GABRB2: variants seen among roughly 807,000 people sequenced by gnomAD.
GABRB2 encodes gamma-aminobutyric acid receptor subunit beta-2.
GABRB2 carries 16 observed loss-of-function variants against 54.7 expected under a neutral mutation model. The ratio of observed to expected loss-of-function variants is 0.29; its 90% CI spans 0.20 to 0.44. The LOEUF (loss-of-function observed/expected upper bound fraction) is 0.44, where lower values mean the gene tolerates loss of function less well. Ranked by LOEUF, GABRB2 falls within the 20% of genes least tolerant of loss-of-function variation. The pLI is 1.00. For synonymous variants in GABRB2, 244 were observed against 233.8 expected (o/e 1.04, Z -0.40); for missense variants, 355 against 644.0 (o/e 0.55, Z 4.86).
chr5:161,431,529 T>A (rs1472355995), intron 4 of GABRB2, among the ~76,000 whole-genome samples: 2 of 152,208 alleles, frequency 1.3e-5, no homozygotes, highest in South Asian at 2.1e-4. Flanking sequence ...CTGGCAAGAA[T>A]GCTCTGCCAA....
intron 5 of GABRB2, among the ~76,000 whole-genome samples, chr5:161,345,096 G>T (rs1580901868): frequency 6.6e-6 from 1 of 152,000 alleles, no homozygotes; most frequent in East Asian, 1.9e-4. Flanking sequence ...TGATGTTGAT[G>T]ACCGGTTGAT....
intron 4 of GABRB2, among the ~76,000 whole-genome samples, chr5:161,426,138 G>A (rs1756991762): frequency 6.6e-6 from 1 of 152,104 alleles, no homozygotes; most frequent in African/African-American, 2.4e-5. Context: ...CCGAGGGCAA[G>A]AATGGGATTA....
chr5:161,384,640 A>C (rs1755569147), intron 5 of GABRB2, among the ~76,000 whole-genome samples: 1 of 152,196 alleles, frequency 6.6e-6, no homozygotes, highest in Admixed American at 6.6e-5. Context: ...CCAGAAATGC[A>C]AATTTGGCTC....
At chr5:161,426,386 G>A (rs985121025) in intron 4 of GABRB2, among the ~76,000 whole-genome samples, 2 of 152,052 alleles carry the variant, frequency 1.3e-5, no homozygotes, top group African/African-American at 2.4e-5. Context: ...AGGGTCGACT[G>A]GGGGAGGGTG....
intron 9 of GABRB2, among the ~76,000 whole-genome samples, chr5:161,295,488 A>G (rs1757357539): frequency 6.6e-6 from 1 of 152,226 alleles, no homozygotes; most frequent in Non-Finnish European, 1.5e-5. Context: ...GTAGATAATC[A>G]AGATATACCA....
intron 4 of GABRB2, among the ~76,000 whole-genome samples, chr5:161,427,797 G>T (rs759865088): frequency 6.6e-6 from 1 of 152,140 alleles, no homozygotes; most frequent in African/African-American, 2.4e-5. Context: ...AAATGGTTTA[G>T]GAGTATTCTC....
intron 3 of GABRB2, among the ~76,000 whole-genome samples, chr5:161,523,202 A>G (rs557813828): frequency 6.6e-6 from 1 of 151,666 alleles, no homozygotes; most frequent in East Asian, 1.9e-4. Context: ...GTCTTTAACT[A>G]CTATGAACTG....
At chr5:161,539,444 C>T (rs1760744812) in intron 3 of GABRB2, among the ~76,000 whole-genome samples, 1 of 152,148 alleles carries the variant, frequency 6.6e-6, no homozygotes, top group South Asian at 2.1e-4. Context: ...CTGCATTTTC[C>T]TCATGATTTT....
Position 161,546,433 on chromosome 5 carries a change from TAAGCAGGCATCAATAAGG to T in GABRB2, c.78-38_78-21del. On this transcript the variant is annotated intron_variant, in intron 1 of 9. Transcript: ENST00000393959. ...TTGACACTAAAGAAAGAAATGACAA[TAAGCAGGCATCAATAAGG>T]AAGCAGGCATAGCGTTTTCAGCATC... is the stretch of plus-strand genomic sequence containing the variant. 1 of 1,607,000 alleles carries T rather than the reference TAAGCAGGCATCAATAAGG, an allele frequency of 6.2e-7. No homozygotes were observed. Among genetic ancestry groups the T allele is most frequent in the Non-Finnish European group, 8.5e-7 (1 of 1,173,562 alleles).
intron 5 of GABRB2, among the ~76,000 whole-genome samples, chr5:161,371,949 T>C (rs939512304): frequency 6.6e-6 from 1 of 152,042 alleles, no homozygotes; most frequent in African/African-American, 2.4e-5. Flanking sequence ...AGACTGATCT[T>C]GAACTCCTGG....
At chr5:161,428,962 T>C (rs1757090438) in intron 4 of GABRB2, among the ~76,000 whole-genome samples, 1 of 152,118 alleles carries the variant, frequency 6.6e-6, no homozygotes, top group Non-Finnish European at 1.5e-5. Flanking sequence ...TCCACAAATT[T>C]TATCTATAAA....
rs1236347580 is a variant in GABRB2, at chr5:161,293,378, A to G, written c.*703T>C. The G allele has an allele frequency of 6.6e-6, 1 of 152,198 alleles. No homozygotes were observed. Among genetic ancestry groups the G allele is most frequent in the Non-Finnish European group, 1.5e-5 (1 of 68,050 alleles). 9.4% of individuals were successfully genotyped at this position (152,198 alleles called of 1,614,324 possible). ...CTCTTACTTTAACCACCTAGGAAAT[A>G]GCCGTTTAGCAAAAATTTTCTTGGC... On this transcript the variant is annotated 3_prime_UTR_variant, in exon 10 of 10. Transcript: ENST00000393959.
intron 4 of GABRB2, among the ~76,000 whole-genome samples, chr5:161,423,537 C>T (rs1473433932): frequency 5.3e-5 from 8 of 152,190 alleles, no homozygotes; most frequent in South Asian, 2.1e-4. Context: ...TGCTTTTTGA[C>T]ATTACTATTG....
chr5:161,338,869 A>G (rs529503588), intron 5 of GABRB2, among the ~76,000 whole-genome samples: 29 of 152,280 alleles, frequency 1.9e-4, no homozygotes, highest in African/African-American at 7.0e-4. Flanking sequence ...TGAATTGAAC[A>G]GTAGGCAAAT....
chr5:161,359,353 T>C (rs145330269), intron 5 of GABRB2, among the ~76,000 whole-genome samples: 1 of 152,284 alleles, frequency 6.6e-6, no homozygotes, highest in East Asian at 1.9e-4. Context: ...GATAAACTTC[T>C]ATAAACCTAA....
chr5:161,316,854 C>T (rs1003657105), intron 9 of GABRB2, among the ~76,000 whole-genome samples: 1 of 152,132 alleles, frequency 6.6e-6, no homozygotes, highest in African/African-American at 2.4e-5. Flanking sequence ...TCAGGTGATC[C>T]ACCTGCCTCG....
intron 3 of GABRB2, among the ~76,000 whole-genome samples, chr5:161,522,277 C>T (rs1194928682): frequency 2.0e-5 from 3 of 151,716 alleles, no homozygotes; most frequent in African/African-American, 7.2e-5. Flanking sequence ...TTGCATTTAG[C>T]TTTTCAATAA....
At chr5:161,415,215 G>A (rs997375242) in intron 4 of GABRB2, among the ~76,000 whole-genome samples, 4 of 152,142 alleles carry the variant, frequency 2.6e-5, no homozygotes, top group Admixed American at 6.5e-5. Context: ...AAGAGTCAAT[G>A]ATGCCTCAAG....
intron 4 of GABRB2, among the ~76,000 whole-genome samples, chr5:161,447,325 T>C (rs1415823787): frequency 2.0e-5 from 3 of 152,192 alleles, no homozygotes; most frequent in Non-Finnish European, 4.4e-5. Flanking sequence ...TGATGTAAAA[T>C]GCACAGATGC....
Sources: gnomAD v4.1 joint callset for allele counts (sites outside exome capture counted in the v4.1 genomes callset) on GRCh38, gnomAD v4.1.1 for gene constraint, MANE v1.5 for transcripts, NCBI Gene and HGNC (gene_info 2026-07-23, HGNC 2026-07-21) for gene names.